RFX3: variants seen among roughly 807,000 people sequenced by gnomAD.
The protein encoded by RFX3 is transcription factor RFX3.
A neutral mutation model predicts 98.6 loss-of-function variants in RFX3; 14 were observed. The observed-to-expected ratio is 0.14, with a 90% CI of 0.09 to 0.22. The LOEUF is 0.22. RFX3 is among the 10% of genes least tolerant of loss of function. RFX3 has a pLI of 1.00. For synonymous variants in RFX3, 383 were observed against 328.4 expected, an observed-to-expected ratio of 1.17 and a Z score of -1.80; for missense variants, 639 against 926.9, an observed-to-expected ratio of 0.69 and a Z score of 4.03.
intron 1 of RFX3, among the ~76,000 whole-genome samples, chr9:3,487,734 C>G (rs1850393888): frequency 6.6e-6 from 1 of 152,090 alleles, no homozygotes; most frequent in African/African-American, 2.4e-5. Context: ...AAAAATGGAC[C>G]TGCTCTGCTT....
intron 2 of RFX3, among the ~76,000 whole-genome samples, chr9:3,393,762 T>C (rs1308757152): frequency 6.6e-6 from 1 of 152,084 alleles, no homozygotes; most frequent in Non-Finnish European, 1.5e-5. Flanking sequence ...ACCAATAAAG[T>C]GGGCGCTAAA....
intron 2 of RFX3, among the ~76,000 whole-genome samples, chr9:3,368,030 G>C (rs946581676): frequency 6.6e-6 from 1 of 152,164 alleles, no homozygotes; most frequent in Non-Finnish European, 1.5e-5. Flanking sequence ...ATGTTTACAA[G>C]AGAATTCAAT....
At chr9:3,410,161 C>CTG (rs555349379) in intron 1 of RFX3, among the ~76,000 whole-genome samples, 10,323 of 113,994 alleles carry the variant, frequency 0.091, 572 homozygotes, top group African/African-American at 0.12. Context: ...GTGAGATAAA[C>CTG]TGTGTGTGTG....
At chr9:3,433,853 C>A (rs915633516) in intron 1 of RFX3, among the ~76,000 whole-genome samples, 2 of 152,152 alleles carry the variant, frequency 1.3e-5, no homozygotes, top group Non-Finnish European at 2.9e-5. Context: ...GTCACAGCTA[C>A]TCAAATGCCC....
At chr9:3,440,946 C>G (rs892704169) in intron 1 of RFX3, among the ~76,000 whole-genome samples, 1 of 152,012 alleles carries the variant, frequency 6.6e-6, no homozygotes, top group African/African-American at 2.4e-5. Flanking sequence ...AAATGATAAC[C>G]AATTGTCAAG....
chr9:3,524,692 C>T (rs1298100906), intron 1 of RFX3: 3 of 869,328 alleles, frequency 3.5e-6, no homozygotes, highest in East Asian at 1.2e-4. Context: ...TAACACTCTA[C>T]TGCGGGGAAG....
In RFX3 at chr9:3,267,441, T is replaced by C. The variant is rs568354013; in HGVS notation, c.1358-1136A>G. On this transcript the variant is annotated intron_variant, in intron 11 of 16. Coordinates refer to ENST00000617270, the MANE Select transcript of RFX3 (RefSeq NM_001282116.2). Reference sequence around the variant, plus strand: ...TCTGACATGATTCTCTATGCTTCTGTTAAAACCAGGTTTTATAAATAATTT... The same window carrying C: ...TCTGACATGATTCTCTATGCTTCTGCTAAAACCAGGTTTTATAAATAATTT... 2.7e-3 allele frequency among the ~76,000 whole-genome samples: 413 copies of C among 152,114 alleles called. 3 individuals carry two copies. The highest frequency in any genetic ancestry group is 9.5e-3 in the African/African-American group (397 of 41,572).
intron 4 of RFX3, among the ~76,000 whole-genome samples, chr9:3,303,782 G>A (rs922273878): frequency 2.6e-5 from 4 of 151,950 alleles, no homozygotes; most frequent in African/African-American, 9.7e-5. Context: ...TTTTTTAAGA[G>A]CTTTGGAAAG....
chr9:3,431,166 T>A (rs979331198), intron 1 of RFX3, among the ~76,000 whole-genome samples: 7 of 152,172 alleles, frequency 4.6e-5, no homozygotes, highest in Non-Finnish European at 1.0e-4. Flanking sequence ...CATCTCTGAG[T>A]GAGCAGTTCA....
intron 5 of RFX3, among the ~76,000 whole-genome samples, chr9:3,296,721 G>A (rs1338176792): frequency 6.6e-6 from 1 of 152,066 alleles, no homozygotes; most frequent in Non-Finnish European, 1.5e-5. Flanking sequence ...AGCAGGTTGA[G>A]AGAGAATAAG....
intron 2 of RFX3, among the ~76,000 whole-genome samples, chr9:3,352,857 A>G (rs1835312203): frequency 6.6e-6 from 1 of 152,080 alleles, no homozygotes; most frequent in Non-Finnish European, 1.5e-5. Flanking sequence ...TCTCACTGAG[A>G]TAAGGAAACA....
chr9:3,415,443 T>G (rs1056480844), intron 1 of RFX3, among the ~76,000 whole-genome samples: 2 of 151,860 alleles, frequency 1.3e-5, no homozygotes, highest in Non-Finnish European at 2.9e-5. Flanking sequence ...ACAATAATAG[T>G]TCCAGATCTA....
intron 4 of RFX3, 74 bp downstream of exon 4, chr9:3,330,185 T>C: frequency 6.8e-7 from 1 of 1,479,628 alleles, no homozygotes. Context: ...GTTGTTCTTT[T>C]CCCTCTATCA....
chr9:3,421,635 G>A (rs1434881075), intron 1 of RFX3, among the ~76,000 whole-genome samples: 1 of 152,188 alleles, frequency 6.6e-6, no homozygotes, highest in Non-Finnish European at 1.5e-5. Flanking sequence ...CCATTAACCT[G>A]ATGACACAGG....
intron 7 of RFX3, among the ~76,000 whole-genome samples, chr9:3,285,330 A>T (rs1216469103): frequency 6.6e-6 from 1 of 151,836 alleles, no homozygotes; most frequent in Non-Finnish European, 1.5e-5. Flanking sequence ...TATAATTTTT[A>T]CTGTATTCAG....
At chr9:3,278,972 C>A (rs1480738499) in intron 7 of RFX3, among the ~76,000 whole-genome samples, 1 of 151,768 alleles carries the variant, frequency 6.6e-6, no homozygotes, top group African/African-American at 2.4e-5. Context: ...AATGGAAAAA[C>A]CTTCTGGGAG....
At chr9:3,381,359 G>C (rs1839175922) in intron 2 of RFX3, among the ~76,000 whole-genome samples, 1 of 151,974 alleles carries the variant, frequency 6.6e-6, no homozygotes, top group Non-Finnish European at 1.5e-5. Context: ...TTATTACTGG[G>C]ATCTGAAGCT....
At chr9:3,335,851 T>C (rs1267609826) in intron 3 of RFX3, among the ~76,000 whole-genome samples, 2 of 152,188 alleles carry the variant, frequency 1.3e-5, no homozygotes, top group South Asian at 2.1e-4. Flanking sequence ...GTGCCATTTG[T>C]TTCCCATCAT....
Position 3,292,093 on chromosome 9 carries a change from A to C in RFX3, c.731+984T>G, listed in dbSNP as rs934218344. Among the ~76,000 whole-genome samples, 454 of 142,714 alleles carry C rather than the reference A, an allele frequency of 3.2e-3. 7 individuals are homozygous for C. Among genetic ancestry groups the C allele is most frequent in the African/African-American group, 0.011 (419 of 38,152 alleles). The allele number at this position is 142,714 out of a possible 152,430, so 93.6% of individuals were successfully genotyped here. On this transcript the variant is annotated intron_variant, in intron 6 of 16. Coordinates refer to ENST00000617270, the MANE Select transcript of RFX3 (RefSeq NM_001282116.2). Reference sequence around the variant, plus strand: ...AAAAAAAAAAAAAAAAAAAAAAAAAAAAAAAAACTCTTTACGAAAATACTC... The same window carrying C: ...AAAAAAAAAAAAAAAAAAAAAAAAACAAAAAAACTCTTTACGAAAATACTC...
Sources: gnomAD v4.1 joint callset for allele counts (sites outside exome capture counted in the v4.1 genomes callset) on GRCh38, gnomAD v4.1.1 for gene constraint, MANE v1.5 for transcripts, NCBI Gene and HGNC (gene_info 2026-07-23, HGNC 2026-07-21) for gene names.